IL1RAPL1: variants seen among roughly 807,000 people sequenced by gnomAD.
IL1RAPL1 encodes the protein interleukin 1 receptor accessory protein like 1.
In IL1RAPL1, 3 loss-of-function variants were observed where a neutral mutation model predicts 48.4. That is an observed-to-expected ratio of 0.06 (90% CI 0.03 to 0.16). The LOEUF is 0.16. Among genes scored for constraint, IL1RAPL1 ranks in the 10% least tolerant of loss-of-function variants. The pLI is 1.00. For missense variants in IL1RAPL1, 349 were observed against 530.6 expected, an observed-to-expected ratio of 0.66 and a Z score of 3.36; for synonymous variants, 185 against 187.7, an observed-to-expected ratio of 0.99 and a Z score of 0.12.
intron 2 of IL1RAPL1, among the ~76,000 whole-genome samples, chrX:28,972,552 T>C (rs958379725): frequency 3.6e-5 from 4 of 110,069 alleles, no homozygotes; most frequent in African/African-American, 1.3e-4. Flanking sequence ...TCCTGGCTAA[T>C]ACAGTGAAAC....
chrX:29,548,387 C>T (rs945883478), intron 5 of IL1RAPL1, among the ~76,000 whole-genome samples: 1 of 111,461 alleles, frequency 9.0e-6, no homozygotes, highest in Non-Finnish European at 1.9e-5. Flanking sequence ...TTTACGTTTG[C>T]GCATAAGGAC....
chrX:28,772,779 G>T (rs1936323679), intron 1 of IL1RAPL1, among the ~76,000 whole-genome samples: 1 of 111,655 alleles, frequency 9.0e-6, no homozygotes, highest in Non-Finnish European at 1.9e-5. Flanking sequence ...GGCATGGACA[G>T]TACATACATG....
intron 2 of IL1RAPL1, among the ~76,000 whole-genome samples, chrX:29,260,338 G>A (rs1336062298): frequency 8.9e-6 from 1 of 112,244 alleles, no homozygotes; most frequent in African/African-American, 3.2e-5. Flanking sequence ...AATTTATAAA[G>A]GAAAGAAGTT....
intron 6 of IL1RAPL1, among the ~76,000 whole-genome samples, chrX:29,774,124 C>T (rs1410844043): frequency 9.1e-6 from 1 of 110,209 alleles, no homozygotes; most frequent in South Asian, 3.9e-4. Flanking sequence ...ACTTCTCTTC[C>T]TCCTTCCTCT....
intron 8 of IL1RAPL1, among the ~76,000 whole-genome samples, chrX:29,930,489 C>T (rs1473976453): frequency 9.0e-6 from 1 of 111,635 alleles, no homozygotes; most frequent in Admixed American, 9.5e-5. Flanking sequence ...TACATGAAAA[C>T]CTAATACATT....
intron 5 of IL1RAPL1, among the ~76,000 whole-genome samples, chrX:29,459,386 G>C (rs943878709): frequency 2.7e-5 from 3 of 111,784 alleles, no homozygotes; most frequent in African/African-American, 9.7e-5. Flanking sequence ...CTTGTACCTA[G>C]CTTGACAGGC....
At chrX:28,980,113 A>G (rs1224219134) in intron 2 of IL1RAPL1, among the ~76,000 whole-genome samples, 1 of 112,511 alleles carries the variant, frequency 8.9e-6, no homozygotes, top group Non-Finnish European at 1.9e-5. Context: ...CCAAACATGC[A>G]AATCATCTTG....
At chrX:29,302,957 T>C (rs192951178) in intron 3 of IL1RAPL1, among the ~76,000 whole-genome samples, 1 of 112,400 alleles carries the variant, frequency 8.9e-6, no homozygotes, top group East Asian at 2.8e-4. Flanking sequence ...TGTGAGACAA[T>C]GTAGACATAC....
Position 29,642,703 on chromosome X carries a change from G to A in IL1RAPL1, c.704-25727G>A, listed in dbSNP as rs138607236. 2.4e-3 allele frequency among the ~76,000 whole-genome samples: 273 copies of A among 112,244 alleles called. 1 individual carries two copies. The highest frequency in any genetic ancestry group is 8.2e-3 in the African/African-American group (253 of 30,907). On this transcript the variant is annotated intron_variant, in intron 5 of 10. Transcript: ENST00000378993. ...TTCCTGTAAGCTCTCAGGGGCAGCT[G>A]GAGGCTCTAGACCAATCATTTCTAA...
chrX:29,646,450 G>T (rs188346911), intron 5 of IL1RAPL1, among the ~76,000 whole-genome samples: 2 of 111,475 alleles, frequency 1.8e-5, no homozygotes, highest in Non-Finnish European at 3.8e-5. Context: ...AGCTTACTTT[G>T]GGGATAGTAT....
chrX:28,693,450 G>A (rs373443537), intron 1 of IL1RAPL1, among the ~76,000 whole-genome samples: 22 of 112,314 alleles, frequency 2.0e-4, no homozygotes, highest in African/African-American at 7.1e-4. Context: ...CAAGCCATCT[G>A]CAGATGTACT....
At chrX:29,381,525 A>AAAAAAAAAAAAC (rs1569298983) in intron 3 of IL1RAPL1, among the ~76,000 whole-genome samples, 5 of 95,912 alleles carry the variant, frequency 5.2e-5, no homozygotes, top group Admixed American at 2.4e-4. Flanking sequence ...AAAAAAAAAA[A>AAAAAAAAAAAAC]AAAACTTAGC....
intron 2 of IL1RAPL1, among the ~76,000 whole-genome samples, chrX:29,074,412 TAAAC>T (rs2147442859): frequency 9.0e-6 from 1 of 111,697 alleles, no homozygotes; most frequent in African/African-American, 3.3e-5. Flanking sequence ...TTAAGCATCT[TAAAC>T]AAAGAATAGT....
chrX:28,658,990 A>T (rs1214492508), intron 1 of IL1RAPL1: 4 of 437,959 alleles, frequency 9.1e-6, no homozygotes, highest in Non-Finnish European at 1.6e-5. Context: ...TAACGTTCAG[A>T]ACTACCAGTA....
intron 5 of IL1RAPL1, among the ~76,000 whole-genome samples, chrX:29,537,904 T>C (rs1268982168): frequency 8.9e-6 from 1 of 111,767 alleles, no homozygotes; most frequent in Non-Finnish European, 1.9e-5. Flanking sequence ...CTGTTCCATA[T>C]TAATTTTTCC....
chrX:29,141,551 T>C (rs1418833471), intron 2 of IL1RAPL1, among the ~76,000 whole-genome samples: 1 of 111,894 alleles, frequency 8.9e-6, no homozygotes, highest in Non-Finnish European at 1.9e-5. Context: ...CTCTTACATA[T>C]ATTCTTTATG....
chrX:28,799,763 A>G (rs1158660685), intron 2 of IL1RAPL1, among the ~76,000 whole-genome samples: 1 of 112,176 alleles, frequency 8.9e-6, no homozygotes. Flanking sequence ...AAGAATATAT[A>G]GGATCTAGTG....
intron 1 of IL1RAPL1, among the ~76,000 whole-genome samples, chrX:28,670,487 T>G (rs1934937426): frequency 8.9e-6 from 1 of 112,137 alleles, no homozygotes. Context: ...TTATTTGGAC[T>G]CTCAGAATTT....
rs944425660 is a variant in IL1RAPL1 at position 28,707,919 on chromosome X, G to A, written c.-24-81401G>A. 4.5e-5 allele frequency among the ~76,000 whole-genome samples: 5 copies of A among 111,977 alleles called. 1 individual carries two copies. Among genetic ancestry groups the A allele is most frequent in the Admixed American group, 2.9e-4 (3 of 10,488 alleles). On this transcript the variant is annotated intron_variant, in intron 1 of 10. Transcript: ENST00000378993. The stretch of plus-strand genomic sequence containing the variant: ...TTTCATTGACTTTAATGAGATGCGT[G>A]TGGATAAATGTGTTAGTGCGGTTGG...
Sources: allele counts gnomAD v4.1 joint callset (sites outside exome capture counted in the v4.1 genomes callset), GRCh38; gene constraint gnomAD v4.1.1; transcripts MANE v1.5; gene names NCBI Gene and HGNC (gene_info 2026-07-23, HGNC 2026-07-21).